Variants in SPON1 observed in about 807,000 individuals in gnomAD.
The protein encoded by SPON1 is spondin-1.
A neutral mutation model predicts 111.7 loss-of-function variants in SPON1; 52 were observed. That is an observed-to-expected ratio of 0.47 (90% CI 0.37 to 0.59). The LOEUF (loss-of-function observed/expected upper bound fraction) is 0.59, where lower values mean the gene tolerates loss of function less well. SPON1 is among the 20% of genes least tolerant of loss of function. The pLI, the probability that SPON1 is intolerant of heterozygous loss-of-function variation, is 0.00. For missense variants in SPON1, 957 were observed against 1,068.5 expected, an observed-to-expected ratio of 0.90 and a Z score of 1.46; for synonymous variants, 410 against 395.8, an observed-to-expected ratio of 1.04 and a Z score of -0.43.
chr11:14,144,109 A>G (rs1003368573), intron 6 of SPON1, among the ~76,000 whole-genome samples: 1 of 152,196 alleles, frequency 6.6e-6, no homozygotes, highest in Non-Finnish European at 1.5e-5. Context: ...GTTGGTTATG[A>G]AATAATACGT....
intron 6 of SPON1, among the ~76,000 whole-genome samples, chr11:14,221,336 T>C (rs1848678358): frequency 6.6e-6 from 1 of 152,206 alleles, no homozygotes; most frequent in Non-Finnish European, 1.5e-5. Context: ...AGAGTTGTTA[T>C]ACCCATTTTA....
chr11:14,043,905 G>C (rs565559011), intron 3 of SPON1, among the ~76,000 whole-genome samples: 1 of 152,284 alleles, frequency 6.6e-6, no homozygotes, highest in Admixed American at 6.5e-5. Flanking sequence ...AGGCATCCAG[G>C]ATATACACAA....
chr11:14,009,461 C>T (rs1348791697), intron 2 of SPON1, among the ~76,000 whole-genome samples: 1 of 152,202 alleles, frequency 6.6e-6, no homozygotes, highest in Non-Finnish European at 1.5e-5. Flanking sequence ...ACCACTCAGC[C>T]TTCAGATCTC....
chr11:14,056,624 T>C (rs1554919208), intron 3 of SPON1, among the ~76,000 whole-genome samples: 1 of 152,174 alleles, frequency 6.6e-6, no homozygotes, highest in African/African-American at 2.4e-5. Context: ...CTGGGCACGG[T>C]GGCTCATGTA....
intron 5 of SPON1, among the ~76,000 whole-genome samples, chr11:14,089,535 G>A (rs1849033245): frequency 6.6e-6 from 1 of 152,176 alleles, no homozygotes; most frequent in African/African-American, 2.4e-5. Flanking sequence ...CCAGCCTTAT[G>A]CCAGCTGGAG....
intron 6 of SPON1, among the ~76,000 whole-genome samples, chr11:14,242,776 A>G (rs1371102012): frequency 6.6e-6 from 1 of 152,258 alleles, no homozygotes; most frequent in Non-Finnish European, 1.5e-5. Context: ...AAAGCAAAAC[A>G]GAGCCAGAGA....
At chr11:14,216,429 A>T (rs560899735) in intron 6 of SPON1, among the ~76,000 whole-genome samples, 69 of 152,264 alleles carry the variant, frequency 4.5e-4, no homozygotes, top group Admixed American at 3.2e-3. Context: ...CTCTCACTGG[A>T]TGGTAATGGA....
At chr11:14,141,754 A>G (rs782016387) in intron 6 of SPON1, among the ~76,000 whole-genome samples, 1 of 152,136 alleles carries the variant, frequency 6.6e-6, no homozygotes, top group Non-Finnish European at 1.5e-5. Flanking sequence ...TGTCTACTAA[A>G]CTATTGTTTT....
chr11:14,116,385 A>G (rs1474068810), intron 5 of SPON1, among the ~76,000 whole-genome samples: 1 of 152,118 alleles, frequency 6.6e-6, no homozygotes, highest in Non-Finnish European at 1.5e-5. Flanking sequence ...ATATCTAGAT[A>G]TTGAACTGAT....
At chr11:14,054,953 C>G (rs1382799292) in intron 3 of SPON1, among the ~76,000 whole-genome samples, 1 of 152,230 alleles carries the variant, frequency 6.6e-6, no homozygotes, top group Non-Finnish European at 1.5e-5. Context: ...TCAGTATGTA[C>G]TTGATCGGGC....
chr11:14,041,471 C>A (rs1554917259), intron 2 of SPON1, 50 bp from the exon 3 acceptor site: 1 of 1,600,994 alleles, frequency 6.2e-7, no homozygotes. Context: ...AGCTTAAGCG[C>A]CCTCTCAAAA....
intron 2 of SPON1, among the ~76,000 whole-genome samples, chr11:14,030,769 A>C (rs1484713036): frequency 2.0e-5 from 3 of 152,246 alleles, no homozygotes; most frequent in East Asian, 3.9e-4. Context: ...AATGTAAGTT[A>C]GTTTGTCCAC....
chr11:14,211,157 G>T (rs1378989856), intron 6 of SPON1, among the ~76,000 whole-genome samples: 1 of 152,112 alleles, frequency 6.6e-6, no homozygotes, highest in African/African-American at 2.4e-5. Context: ...AAGAAATAAA[G>T]GGTATTCAAC....
At chr11:14,237,753 C>T (rs1285113268) in intron 6 of SPON1, among the ~76,000 whole-genome samples, 3 of 152,238 alleles carry the variant, frequency 2.0e-5, no homozygotes, top group East Asian at 3.8e-4. Flanking sequence ...TTCATCAAAC[C>T]GGTCGTCAGA....
At chr11:14,162,917 C>T (rs977114917) in intron 6 of SPON1, among the ~76,000 whole-genome samples, 1 of 152,178 alleles carries the variant, frequency 6.6e-6, no homozygotes, top group African/African-American at 2.4e-5. Flanking sequence ...ATCGGCTGGT[C>T]CTGCAAAGAG....
chr11:14,236,128 G>A (rs1848864137), intron 6 of SPON1, among the ~76,000 whole-genome samples: 1 of 152,162 alleles, frequency 6.6e-6, no homozygotes, highest in African/African-American at 2.4e-5. Flanking sequence ...TGATATGACT[G>A]CTGCACGAAC....
chr11:14,168,242 G>A (rs1554932039), intron 6 of SPON1, among the ~76,000 whole-genome samples: 2 of 152,146 alleles, frequency 1.3e-5, no homozygotes, highest in African/African-American at 4.8e-5. Context: ...TAGCAAATCT[G>A]ATATCTGACC....
chr11:14,156,444 T>G (rs7928718), intron 6 of SPON1, among the ~76,000 whole-genome samples: 20,264 of 143,940 alleles, frequency 0.14, 1,629 homozygotes, highest in East Asian at 0.2. Flanking sequence ...TTCTGTAGGT[T>G]GCCTGTTCAC....
At chr11:14,203,827 A>C (rs1408951238) in intron 6 of SPON1, among the ~76,000 whole-genome samples, 2 of 152,174 alleles carry the variant, frequency 1.3e-5, no homozygotes, top group Non-Finnish European at 2.9e-5. Context: ...GAAAGGATTG[A>C]GCATGCAGCA....
Sources: allele counts gnomAD v4.1 joint callset (sites outside exome capture counted in the v4.1 genomes callset), GRCh38; gene constraint gnomAD v4.1.1; transcripts MANE v1.5; gene names NCBI Gene and HGNC (gene_info 2026-07-23, HGNC 2026-07-21).